The following FLRT2 variants were observed in gnomAD, a reference collection of about 807,000 sequenced individuals.
FLRT2 encodes the protein leucine-rich repeat transmembrane protein FLRT2.
A neutral mutation model predicts 40.0 loss-of-function variants in FLRT2; 15 were observed. The observed-to-expected ratio is 0.38, with a 90% CI of 0.25 to 0.58. The LOEUF (loss-of-function observed/expected upper bound fraction) is 0.58. Ranked by LOEUF, FLRT2 falls within the 20% of genes least tolerant of loss-of-function variation. The pLI is 0.71. For missense variants in FLRT2, 726 were observed against 840.0 expected (o/e 0.86, Z 1.68); for synonymous variants, 380 against 336.8 (o/e 1.13, Z -1.41).
In FLRT2 at chr14:85,648,889, A is replaced by G. The variant is rs1282283328; in HGVS notation, c.*25392A>G. On this transcript the variant is annotated 3_prime_UTR_variant, in exon 2 of 2. Coordinates refer to ENST00000330753, the MANE Select transcript of FLRT2 (RefSeq NM_013231.6). ...CTTAACACAATGCTTGGCACATAAG[A>G]GGAATTAAATAACATTTTTCTGAAT... 5 of 152,140 alleles carry G rather than the reference A, an allele frequency of 3.3e-5. No homozygotes were observed. The highest frequency in any genetic ancestry group is 1.2e-4 in the African/African-American group (5 of 41,450). The allele number at this position is 152,140 out of a possible 1,614,324, so 9.4% of individuals were successfully genotyped here. A position where few individuals can be genotyped will look rare whatever the true frequency, so the allele number is the denominator to read the frequency against.
rs781442004 is a variant in FLRT2 at position 85,622,230 on chromosome 14, G to A, written c.716G>A (p.Arg239His). 1.2e-5 allele frequency: 19 copies of A among 1,613,934 alleles called. No homozygotes were observed. Among genetic ancestry groups the A allele is most frequent in the Middle Eastern group, 1.6e-4 (1 of 6,082 alleles). ...LTKLKEFSIV[R>H]NSLSHPPPDL... ...AAGCTCAAGGAATTTTCAATTGTACGTAATTCGCTGTCCCACCCTCCTCCC... is the reference window on the plus strand; with the variant it reads ...AAGCTCAAGGAATTTTCAATTGTACATAATTCGCTGTCCCACCCTCCTCCC... The change falls in exon 2 of 2, where the codon CGT becomes CAT. Residue 239 changes from arginine to histidine, a missense_variant. Arg to His is a conservative substitution (Grantham distance 29). This residue lies in a region of FLRT2 where 611 missense variants were observed against 690.0 expected (regional missense o/e 0.89). Coordinates refer to ENST00000330753, the MANE Select transcript of FLRT2 (RefSeq NM_013231.6).
intron 1 of FLRT2, among the ~76,000 whole-genome samples, chr14:85,594,565 G>T (rs1048088780): frequency 6.6e-6 from 1 of 152,172 alleles, no homozygotes; most frequent in Admixed American, 6.5e-5. Context: ...ATAAACAGTT[G>T]AGAACTTTCT....
At chr14:85,576,363 G>C (rs1891127510) in intron 1 of FLRT2, among the ~76,000 whole-genome samples, 2 of 151,868 alleles carry the variant, frequency 1.3e-5, no homozygotes, top group South Asian at 4.2e-4. Flanking sequence ...CCTTTATTTA[G>C]GCATAAAGGC....
chr14:85,575,837 A>G (rs535605173), intron 1 of FLRT2, among the ~76,000 whole-genome samples: 1 of 152,250 alleles, frequency 6.6e-6, no homozygotes, highest in East Asian at 1.9e-4. Context: ...TCAAATATTC[A>G]TCTGTAAAGA....
At chr14:85,591,841 G>A (rs1350433111) in intron 1 of FLRT2, among the ~76,000 whole-genome samples, 1 of 152,170 alleles carries the variant, frequency 6.6e-6, no homozygotes, top group Non-Finnish European at 1.5e-5. Context: ...TTTGTCTGGT[G>A]AATACATAGC....
At chr14:85,584,012 GC>G in intron 1 of FLRT2, among the ~76,000 whole-genome samples, 1 of 151,350 alleles carries the variant, frequency 6.6e-6, no homozygotes, top group East Asian at 1.9e-4. Flanking sequence ...GTTTGGATCT[GC>G]CTCTGTGGTT....
chr14:85,639,851 C>CTTTTTTTTTTTTTTTTTTTTTTT lies in FLRT2; in HGVS notation c.*16369_*16370insTTTTTTTTTTTTTTTTTTTTTTT, dbSNP rs869148428. The CTTTTTTTTTTTTTTTTTTTTTTT allele has an allele frequency of 1.7e-5, 2 of 119,250 alleles. No individual in the cohort carries two copies. Among genetic ancestry groups the CTTTTTTTTTTTTTTTTTTTTTTT allele is most frequent in the Non-Finnish European group, 1.6e-5 (1 of 62,186 alleles). The allele number at this position is 119,250 out of a possible 1,614,324, so 7.4% of individuals were successfully genotyped here. ...GAAATTCTTTATTTTTTTTTTTTTC[C>CTTTTTTTTTTTTTTTTTTTTTTT]TTTTTTTTTTTTTTTGAGACAGTGT... On this transcript the variant is annotated 3_prime_UTR_variant, in exon 2 of 2. Transcript: ENST00000330753.
At chr14:85,548,074 A>C (rs1241301180) in intron 1 of FLRT2, among the ~76,000 whole-genome samples, 1 of 152,148 alleles carries the variant, frequency 6.6e-6, no homozygotes, top group African/African-American at 2.4e-5. Context: ...TAGCTTAGTG[A>C]TTTTGGGGCC....
At chr14:85,570,937 T>C (rs746150729) in intron 1 of FLRT2, among the ~76,000 whole-genome samples, 16 of 152,158 alleles carry the variant, frequency 1.1e-4, no homozygotes, top group Non-Finnish European at 2.2e-4. Flanking sequence ...TGTATTCCAT[T>C]ATACTTGCCT....
chr14:85,536,264 C>T (rs1292068584), intron 1 of FLRT2, among the ~76,000 whole-genome samples: 1 of 151,974 alleles, frequency 6.6e-6, no homozygotes, highest in African/African-American at 2.4e-5. Flanking sequence ...AAGAAAGGCT[C>T]AAGTATGTAC....
In FLRT2 at chr14:85,625,864, A is replaced by G. The variant is rs1003783815; in HGVS notation, c.*2367A>G. The G allele has an allele frequency of 4.2e-5, 7 of 167,042 alleles. No individual in the cohort carries two copies. Among genetic ancestry groups the G allele is most frequent in the Admixed American group, 2.0e-4 (3 of 15,280 alleles). The allele number at this position is 167,042 out of a possible 1,614,324, so 10.3% of individuals were successfully genotyped here. A position where few individuals can be genotyped will look rare whatever the true frequency, so the allele number is the denominator to read the frequency against. Reference sequence around the variant, plus strand: ...ACTCATTCTCATTTATGTATATTGTATGTTTAACCCCCAGTGGGATTTCTG... The same window carrying G: ...ACTCATTCTCATTTATGTATATTGTGTGTTTAACCCCCAGTGGGATTTCTG... On this transcript the variant is annotated 3_prime_UTR_variant, in exon 2 of 2. Transcript: ENST00000330753.
At chr14:85,553,300 G>C (rs2139829052) in intron 1 of FLRT2, among the ~76,000 whole-genome samples, 1 of 152,278 alleles carries the variant, frequency 6.6e-6, no homozygotes, top group East Asian at 1.9e-4. Flanking sequence ...GAGTTTAGTA[G>C]TGGCCAACTT....
chr14:85,561,429 G>A (rs2139845215), intron 1 of FLRT2: 2 of 152,312 alleles, frequency 1.3e-5, no homozygotes, highest in East Asian at 3.9e-4. Flanking sequence ...ATAAGCATGT[G>A]TATTATTCCA....
Position 85,598,940 on chromosome 14 carries a change from C to G in FLRT2, c.-376-22199C>G, listed in dbSNP as rs1194446934. Among the ~76,000 whole-genome samples the G allele has an allele frequency of 9.7e-3, 993 of 102,304 alleles. 12 individuals carry two copies. The highest frequency in any genetic ancestry group is 0.035 in the African/African-American group (946 of 26,726). 67.1% of individuals were successfully genotyped at this position (102,304 alleles called of 152,430 possible). A position where few individuals can be genotyped will look rare whatever the true frequency, so the allele number is the denominator to read the frequency against. ...GGTTTTTTTTTTTTTTTTTTTGAGA[C>G]GGAGTCTCGCTCTGTCGCCCAGGCT... On this transcript the variant is annotated intron_variant, in intron 1 of 1. Transcript: ENST00000330753.
chr14:85,584,388 C>T (rs1243091469), intron 1 of FLRT2, among the ~76,000 whole-genome samples: 2 of 152,126 alleles, frequency 1.3e-5, no homozygotes, highest in African/African-American at 4.8e-5. Context: ...ATGTGATGGC[C>T]AATCAAAGCT....
intron 1 of FLRT2, among the ~76,000 whole-genome samples, chr14:85,597,706 G>T (rs1892203193): frequency 6.6e-6 from 1 of 152,178 alleles, no homozygotes; most frequent in Admixed American, 6.5e-5. Context: ...ACAGGCATAT[G>T]CCACCTTGCC....
intron 1 of FLRT2, among the ~76,000 whole-genome samples, chr14:85,592,789 C>CAAAAAA (rs34002874): frequency 3.7e-4 from 34 of 90,670 alleles, no homozygotes; most frequent in African/African-American, 1.4e-3. Flanking sequence ...AACTCCGTCT[C>CAAAAAA]AAAAAAAAAA....
chr14:85,620,987 G>A (rs1479656834), intron 1 of FLRT2, among the ~76,000 whole-genome samples, 152 bp from the exon 2 acceptor site: 1 of 152,214 alleles, frequency 6.6e-6, no homozygotes, highest in African/African-American at 2.4e-5. Flanking sequence ...TTTCAAGTAA[G>A]TTACTGTTAT....
At chr14:85,538,459 T>TC (rs1332641534) in intron 1 of FLRT2, among the ~76,000 whole-genome samples, 1 of 152,060 alleles carries the variant, frequency 6.6e-6, no homozygotes, top group Non-Finnish European at 1.5e-5. Context: ...GAGCAGTTTT[T>TC]CCCCCCACTT....
Sources: gnomAD v4.1 joint callset for allele counts (sites outside exome capture counted in the v4.1 genomes callset) on GRCh38, gnomAD v4.1.1 for gene constraint, gnomAD v4.1.1 regional missense constraint, MANE v1.5 for transcripts, NCBI Gene and HGNC (gene_info 2026-07-23, HGNC 2026-07-21) for gene names.